The following PCDHA10 variants were observed in gnomAD, a reference collection of about 807,000 sequenced individuals.
PCDHA10 encodes protocadherin alpha-10.
A neutral mutation model predicts 61.2 loss-of-function variants in PCDHA10; 45 were observed. That is an observed-to-expected ratio of 0.74 (90% CI 0.58 to 0.94). The LOEUF is 0.94. Among genes scored for constraint, PCDHA10 ranks in the 40% least tolerant of loss-of-function variants. The probability of loss-of-function intolerance (pLI) is 0.00; values close to 1 mark genes in which losing one functional copy is unlikely to be tolerated. For missense variants in PCDHA10, 1,278 were observed against 1,236.2 expected (o/e 1.03, Z -0.51); for synonymous variants, 602 against 548.8 (o/e 1.10, Z -1.35).
At chr5:140,971,752 A>C (rs1367685618) in intron 1 of PCDHA10, among the ~76,000 whole-genome samples, 2 of 138,248 alleles carry the variant, frequency 1.4e-5, no homozygotes, top group Non-Finnish European at 3.3e-5. Context: ...TATATCTCAT[A>C]TTACTGAATC....
intron 1 of PCDHA10, chr5:140,969,172 G>T (rs782196654): frequency 1.2e-5 from 19 of 1,614,086 alleles, no homozygotes; most frequent in Non-Finnish European, 1.5e-5. Context: ...CAGGCTCAGG[G>T]AGTGACACTT....
At chr5:140,871,488 C>G (rs370808040) in intron 1 of PCDHA10, 14 of 1,591,168 alleles carry the variant, frequency 8.8e-6, no homozygotes, top group African/African-American at 1.3e-5. Context: ...CAAATCACCC[C>G]GGACAGGTGA....
intron 1 of PCDHA10, among the ~76,000 whole-genome samples, chr5:140,922,818 C>T (rs530870255): frequency 6.6e-6 from 1 of 152,208 alleles, no homozygotes; most frequent in Admixed American, 6.5e-5. Flanking sequence ...GGAGATACAG[C>T]ATACTGCTAA....
intron 1 of PCDHA10, chr5:140,968,939 A>G: frequency 6.2e-7 from 1 of 1,614,164 alleles, no homozygotes; most frequent in South Asian, 1.1e-5. Flanking sequence ...GACAATCATC[A>G]TTTTGAGCAT....
intron 1 of PCDHA10, among the ~76,000 whole-genome samples, chr5:140,940,583 G>A (rs1294741133): frequency 6.6e-6 from 1 of 151,990 alleles, no homozygotes; most frequent in East Asian, 1.9e-4. Flanking sequence ...AAAGTGTTGG[G>A]ATTTCAGGCA....
At chr5:140,985,729 T>C (rs1314785007) in intron 3 of PCDHA10, among the ~76,000 whole-genome samples, 2 of 149,858 alleles carry the variant, frequency 1.3e-5, no homozygotes, top group Non-Finnish European at 3.0e-5. Flanking sequence ...TTTCCTTCAC[T>C]GATGAATTCC....
At chr5:140,928,332 C>T in intron 1 of PCDHA10, 1 of 1,614,182 alleles carries the variant, frequency 6.2e-7, no homozygotes, top group Non-Finnish European at 8.5e-7. Context: ...ATGGCCTTGT[C>T]TCTTATGAGC....
intron 1 of PCDHA10, among the ~76,000 whole-genome samples, chr5:140,936,457 TG>T (rs782214118): frequency 2.2e-4 from 34 of 152,232 alleles, no homozygotes; most frequent in Non-Finnish European, 4.6e-4. Flanking sequence ...ATCTGTTTAG[TG>T]GTTGCTGTAG....
chr5:140,910,652 T>C (rs2075120001), intron 1 of PCDHA10, among the ~76,000 whole-genome samples: 1 of 152,204 alleles, frequency 6.6e-6, no homozygotes, highest in Non-Finnish European at 1.5e-5. Flanking sequence ...TTTTGATCCC[T>C]TCCTCTACAT....
chr5:140,915,008 T>C (rs1201776517), intron 1 of PCDHA10, among the ~76,000 whole-genome samples: 1 of 150,866 alleles, frequency 6.6e-6, no homozygotes, highest in Non-Finnish European at 1.5e-5. Context: ...TGCAGTGGCC[T>C]GATCTTGGCT....
chr5:140,857,015 G>A lies in PCDHA10; in HGVS notation c.967G>A (p.Asp323Asn). Residue 323 changes from aspartate (D) to asparagine (N), a missense_variant, in exon 1 of 4, where the codon GAT becomes AAT. Transcript: ENST00000307360. Reference sequence around the variant, plus strand: ...TTATGAAATTCATGTAGATGTTACAGATAAGGGAAACCCACCTATGGTTGG... The same window carrying A: ...TTATGAAATTCATGTAGATGTTACAAATAAGGGAAACCCACCTATGGTTGG... Reference protein sequence around the residue: ...NTYEIHVDVTDKGNPPMVGHC... With the variant: ...NTYEIHVDVTNKGNPPMVGHC... The A allele has an allele frequency of 1.3e-6, 2 of 1,596,400 alleles. No homozygotes were observed. The highest frequency in any genetic ancestry group is 1.7e-6 in the Non-Finnish European group (2 of 1,166,094).
At chr5:140,860,192 C>CATATATATAT (rs143984774) in intron 1 of PCDHA10, 4 of 146,816 alleles carry the variant, frequency 2.7e-5, no homozygotes, top group African/African-American at 7.5e-5. Context: ...GCTCTCCTTA[C>CATATATATAT]ATATATATCT....
At chr5:140,874,890 C>A (rs150583747) in intron 1 of PCDHA10, among the ~76,000 whole-genome samples, 2 of 152,276 alleles carry the variant, frequency 1.3e-5, no homozygotes, top group Admixed American at 1.3e-4. Context: ...TCCTAACTTT[C>A]TCTAAAATCT....
chr5:140,939,701 T>C (rs782486336), intron 1 of PCDHA10, among the ~76,000 whole-genome samples: 2 of 152,210 alleles, frequency 1.3e-5, no homozygotes, highest in Non-Finnish European at 2.9e-5. Context: ...GACATTATCA[T>C]TTGTGAGATA....
chr5:140,957,254 A>T (rs2095344725), intron 1 of PCDHA10, among the ~76,000 whole-genome samples: 1 of 152,192 alleles, frequency 6.6e-6, no homozygotes, highest in Non-Finnish European at 1.5e-5. Flanking sequence ...TAAAATTTAA[A>T]TATGTAAGCA....
chr5:140,856,061 T>A lies in PCDHA10; in HGVS notation c.13T>A (p.Cys5Ser), dbSNP rs782207999. 2 of 1,588,972 alleles carry A rather than the reference T, an allele frequency of 1.3e-6. No individual in the cohort carries two copies. The highest frequency in any genetic ancestry group is 8.6e-7 in the Non-Finnish European group (1 of 1,162,066). MVSR[C>S]SCLGVQCLLL... ...AGAGAAGGATAAGATGGTTTCCAGA[T>A]GTAGCTGCCTGGGGGTCCAGTGTCT... Residue 5 changes from cysteine to serine, a missense_variant, in exon 1 of 4, where the codon TGT (cysteine) becomes AGT (serine). Coordinates refer to ENST00000307360, the MANE Select transcript of PCDHA10 (RefSeq NM_018901.4).
chr5:140,858,446 T>C lies in PCDHA10; in HGVS notation c.2388+10T>C. Reference sequence around the variant, plus strand: ...GGACCACTCTAGGAAGGTGGGTTATTACGTTTTCATTTTCCTTTTGTGCTT... The same window carrying C: ...GGACCACTCTAGGAAGGTGGGTTATCACGTTTTCATTTTCCTTTTGTGCTT... On this transcript the variant is annotated intron_variant, in intron 1 of 3. Coordinates refer to ENST00000307360, the MANE Select transcript of PCDHA10 (RefSeq NM_018901.4). 1 of 1,533,674 alleles carries C rather than the reference T, an allele frequency of 6.5e-7. No individual in the cohort carries two copies. The highest frequency in any genetic ancestry group is 8.9e-7 in the Non-Finnish European group (1 of 1,129,928).
At chr5:140,976,894 CAGT>C (rs1199753516) in intron 1 of PCDHA10, among the ~76,000 whole-genome samples, 1 of 152,132 alleles carries the variant, frequency 6.6e-6, no homozygotes, top group African/African-American at 2.4e-5. Context: ...ATACATGCAA[CAGT>C]ATGTAATAAA....
intron 1 of PCDHA10, chr5:140,928,687 C>A (rs782599747): frequency 6.2e-7 from 1 of 1,614,142 alleles, no homozygotes. Context: ...GCTTTCCTAC[C>A]ACATCTCCCG....
Sources: allele counts gnomAD v4.1 joint callset (sites outside exome capture counted in the v4.1 genomes callset), GRCh38; gene constraint gnomAD v4.1.1; transcripts MANE v1.5; gene names NCBI Gene and HGNC (gene_info 2026-07-23, HGNC 2026-07-21).